PRDM11: variants seen among roughly 807,000 people sequenced by gnomAD.
PRDM11 encodes PR/SET domain 11.
In PRDM11, 20 loss-of-function variants were observed where a neutral mutation model predicts 97.8. That is an observed-to-expected ratio of 0.20 (90% CI 0.14 to 0.30). PRDM11 has a LOEUF of 0.30. Among genes scored for constraint, PRDM11 ranks in the 10% least tolerant of loss-of-function variants. The probability of loss-of-function intolerance (pLI) is 1.00; values close to 1 mark genes in which losing one functional copy is unlikely to be tolerated. For synonymous variants in PRDM11, 599 were observed against 637.7 expected (o/e 0.94, Z 0.91); for missense variants, 1,139 against 1,555.2 (o/e 0.73, Z 4.50).
chr11:45,182,209 C>T (rs756493860), intron 2 of PRDM11, 37 bp from the exon 3 acceptor site: 1 of 1,585,952 alleles, frequency 6.3e-7, no homozygotes, highest in South Asian at 1.1e-5. Flanking sequence ...TCTCTGATGA[C>T]TTCTTTGCTT....
intron 5 of PRDM11, chr11:45,212,504 C>T (rs1212251955): frequency 6.8e-6 from 3 of 440,726 alleles, no homozygotes; most frequent in Non-Finnish European, 1.4e-5. Flanking sequence ...GCCCTCAAGG[C>T]AGCCTCTTCG....
chr11:45,120,400 T>C (rs1306080189), intron 1 of PRDM11, among the ~76,000 whole-genome samples: 1 of 151,998 alleles, frequency 6.6e-6, no homozygotes, highest in East Asian at 1.9e-4. Context: ...ATAGATACAA[T>C]GTAAAACCAC....
At chr11:45,163,918 C>T (rs1227742476) in intron 1 of PRDM11, among the ~76,000 whole-genome samples, 1 of 152,088 alleles carries the variant, frequency 6.6e-6, no homozygotes, top group African/African-American at 2.4e-5. Context: ...TGGTGGGGCT[C>T]GCCAGGATCC....
chr11:45,214,890 A>G (rs1853911792), intron 5 of PRDM11, among the ~76,000 whole-genome samples: 1 of 152,214 alleles, frequency 6.6e-6, no homozygotes, highest in South Asian at 2.1e-4. Context: ...CCCTGATTCT[A>G]TAAACTGCCA....
chr11:45,212,973 C>G, intron 5 of PRDM11: 1 of 395,102 alleles, frequency 2.5e-6, no homozygotes, highest in Non-Finnish European at 5.1e-6. Flanking sequence ...CTGCCAGAGC[C>G]CCCACCAGCT....
chr11:45,154,048 T>C (rs953884059), intron 1 of PRDM11, among the ~76,000 whole-genome samples: 17 of 152,206 alleles, frequency 1.1e-4, no homozygotes, highest in Non-Finnish European at 2.4e-4. Flanking sequence ...AGAAGGTTTC[T>C]TGGGTGATTT....
chr11:45,114,882 T>C (rs1467316930), intron 1 of PRDM11, among the ~76,000 whole-genome samples: 1 of 152,020 alleles, frequency 6.6e-6, no homozygotes, highest in African/African-American at 2.4e-5. Flanking sequence ...GAAACAAAGA[T>C]ATTTCAAATA....
At chr11:45,097,218 C>T (rs150435763) in intron 1 of PRDM11, among the ~76,000 whole-genome samples, 88 of 152,330 alleles carry the variant, frequency 5.8e-4, no homozygotes, top group African/African-American at 2.1e-3. Context: ...CCCTGCTCTC[C>T]TGAGTCCTCT....
chr11:45,187,853 G>A (rs1187099177), intron 4 of PRDM11, among the ~76,000 whole-genome samples: 2 of 151,614 alleles, frequency 1.3e-5, no homozygotes, highest in Non-Finnish European at 2.9e-5. Context: ...TTGGGCATGG[G>A]TTTTTGGCCT....
At chr11:45,186,350 G>A (rs1852705406) in intron 4 of PRDM11, among the ~76,000 whole-genome samples, 1 of 152,180 alleles carries the variant, frequency 6.6e-6, no homozygotes, top group Non-Finnish European at 1.5e-5. Context: ...GAGATGCTCA[G>A]GGGAGCTGTC....
At chr11:45,201,986 CT>C in intron 4 of PRDM11, among the ~76,000 whole-genome samples, 1 of 151,954 alleles carries the variant, frequency 6.6e-6, no homozygotes, top group Non-Finnish European at 1.5e-5. Context: ...AAAAAAAATT[CT>C]TTGTAGAGAC....
chr11:45,163,555 C>T (rs182197491), intron 1 of PRDM11, among the ~76,000 whole-genome samples: 22 of 152,208 alleles, frequency 1.4e-4, no homozygotes, highest in Admixed American at 1.4e-3. Context: ...GTAGGGAATT[C>T]CCCCACCTCC....
At chr11:45,129,908 T>C (rs1852680632) in intron 1 of PRDM11, among the ~76,000 whole-genome samples, 1 of 152,206 alleles carries the variant, frequency 6.6e-6, no homozygotes, top group Non-Finnish European at 1.5e-5. Context: ...AAGAAGACTA[T>C]GTGGGTTTGG....
chr11:45,192,413 G>T (rs1471507009), intron 4 of PRDM11, among the ~76,000 whole-genome samples: 13 of 152,218 alleles, frequency 8.5e-5, no homozygotes, highest in Admixed American at 8.5e-4. Flanking sequence ...GGCTCAGCTT[G>T]TGTAGCTGTT....
At chr11:45,153,002 G>T (rs1019300262) in intron 1 of PRDM11, among the ~76,000 whole-genome samples, 3 of 152,238 alleles carry the variant, frequency 2.0e-5, no homozygotes, top group African/African-American at 7.2e-5. Flanking sequence ...GCTGGAGGCA[G>T]GGAGGCCAAA....
intron 1 of PRDM11, among the ~76,000 whole-genome samples, chr11:45,161,929 G>A (rs770401470): frequency 3.2e-4 from 48 of 152,360 alleles, no homozygotes; most frequent in Non-Finnish European, 6.3e-4. Flanking sequence ...GGTCACCACC[G>A]GCAGGGCTGG....
chr11:45,145,895 T>C (rs1324016036), upstream of PRDM11, among the ~76,000 whole-genome samples: 1 of 152,028 alleles, frequency 6.6e-6, no homozygotes, highest in African/African-American at 2.4e-5. Context: ...CTTCACCCCC[T>C]CTCTGTGATG....
intron 1 of PRDM11, among the ~76,000 whole-genome samples, chr11:45,101,082 G>A: frequency 6.6e-6 from 1 of 152,086 alleles, no homozygotes; most frequent in Non-Finnish European, 1.5e-5. Flanking sequence ...TTTAGCCAGG[G>A]AAAGCAGCTT....
chr11:45,201,784 G>A (rs531346772), intron 4 of PRDM11, among the ~76,000 whole-genome samples: 4 of 151,964 alleles, frequency 2.6e-5, no homozygotes, highest in Admixed American at 6.6e-5. Context: ...TGGCTAACAC[G>A]GTGAAACGCT....
Sources: allele counts gnomAD v4.1 joint callset (sites outside exome capture counted in the v4.1 genomes callset), GRCh38; gene constraint gnomAD v4.1.1; transcripts MANE v1.5; gene names NCBI Gene and HGNC (gene_info 2026-07-23, HGNC 2026-07-21).